COX10: variants seen among roughly 807,000 people sequenced by gnomAD.
COX10 encodes protoheme IX farnesyltransferase, mitochondrial.
In COX10, 27 loss-of-function variants were observed where a neutral mutation model predicts 37.3. That is an observed-to-expected ratio of 0.72 (90% confidence interval 0.53 to 1.00). COX10 has a LOEUF of 1.00. Ranked by LOEUF, COX10 falls within the 50% of genes least tolerant of loss-of-function variation. The pLI, the probability that COX10 is intolerant of heterozygous loss-of-function variation, is 0.00. For missense variants in COX10, 475 were observed against 563.2 expected (o/e 0.84, Z 1.59); for synonymous variants, 222 against 229.1 (o/e 0.97, Z 0.28).
intron 4 of COX10, among the ~76,000 whole-genome samples, chr17:14,125,657 G>C (rs547255984): frequency 1.3e-5 from 2 of 152,242 alleles, no homozygotes; most frequent in East Asian, 3.9e-4. Flanking sequence ...TTCTCAGAGA[G>C]GACTTCACGG....
At chr17:14,089,643 G>C (rs1915481565) in intron 3 of COX10, among the ~76,000 whole-genome samples, 2 of 152,162 alleles carry the variant, frequency 1.3e-5, no homozygotes, top group Non-Finnish European at 1.5e-5. Context: ...GTTGTTGAAG[G>C]CTTTGCCTTC....
intron 4 of COX10, among the ~76,000 whole-genome samples, chr17:14,137,722 T>C (rs1248120641): frequency 6.6e-6 from 1 of 152,158 alleles, no homozygotes; most frequent in East Asian, 1.9e-4. Flanking sequence ...CCTTTAAAAA[T>C]AGTAAACTAA....
intron 4 of COX10, among the ~76,000 whole-genome samples, chr17:14,107,278 C>T (rs994253297): frequency 1.3e-5 from 2 of 152,052 alleles, no homozygotes; most frequent in African/African-American, 4.8e-5. Flanking sequence ...CTGTCTCAGG[C>T]AAACGCTGGC....
Position 14,124,673 on chromosome 17 carries a change from C to T in COX10, c.624+22431C>T, listed in dbSNP as rs572085010. On this transcript the variant is annotated intron_variant, in intron 4 of 6. Coordinates refer to ENST00000261643, the MANE Select transcript of COX10 (RefSeq NM_001303.4). ...AAGTGACTTGCCATGTTCTTGCCCT[C>T]GATGGTCCGGTGCAGATACCTCTGT... Among the ~76,000 whole-genome samples, 11 of 152,224 alleles carry T rather than the reference C, an allele frequency of 7.2e-5. No individual in the cohort carries two copies. The South Asian group carries it at 2.1e-3, about 29-fold the overall frequency.
intron 3 of COX10, among the ~76,000 whole-genome samples, chr17:14,096,638 G>A (rs756223501): frequency 9.9e-5 from 15 of 152,072 alleles, no homozygotes; most frequent in Non-Finnish European, 2.1e-4. Context: ...CCAAAGTGTT[G>A]GGATTACTGG....
intron 4 of COX10, among the ~76,000 whole-genome samples, chr17:14,148,110 A>T (rs1427552254): frequency 2.7e-5 from 4 of 148,708 alleles, no homozygotes; most frequent in Non-Finnish European, 5.9e-5. Flanking sequence ...TTCTCCTTTA[A>T]GGATGAAGCC....
chr17:14,142,524 T>C (rs986631524), intron 4 of COX10, among the ~76,000 whole-genome samples: 2 of 152,240 alleles, frequency 1.3e-5, no homozygotes, highest in African/African-American at 4.8e-5. Context: ...AAATTGGTAT[T>C]TGGCAGAAGA....
intron 4 of COX10, among the ~76,000 whole-genome samples, chr17:14,123,655 A>T (rs1916272844): frequency 1.3e-5 from 2 of 152,200 alleles, no homozygotes; most frequent in Admixed American, 1.3e-4. Context: ...CTTTAATGTT[A>T]TGTTTTAAGG....
intron 3 of COX10, among the ~76,000 whole-genome samples, chr17:14,083,733 T>A (rs1490314829): frequency 6.6e-6 from 1 of 152,224 alleles, no homozygotes; most frequent in Non-Finnish European, 1.5e-5. Flanking sequence ...AAAAAAGGAA[T>A]AATGTGTCTC....
chr17:14,074,910 GT>G (rs1915106929), intron 2 of COX10, among the ~76,000 whole-genome samples: 1 of 152,138 alleles, frequency 6.6e-6, no homozygotes. Context: ...CAATTCGACA[GT>G]TTTTATAATT....
intron 3 of COX10, among the ~76,000 whole-genome samples, chr17:14,096,650 A>G (rs1018338158): frequency 6.6e-6 from 1 of 152,158 alleles, no homozygotes; most frequent in African/African-American, 2.4e-5. Context: ...GATTACTGGC[A>G]TGTGCCATGG....
intron 3 of COX10, among the ~76,000 whole-genome samples, chr17:14,079,798 T>C (rs1465911806): frequency 6.6e-6 from 1 of 151,942 alleles, no homozygotes; most frequent in Non-Finnish European, 1.5e-5. Context: ...CATATGCAGA[T>C]AGAGCTATGG....
chr17:14,184,053 GACA>G (rs1905950835), intron 5 of COX10, among the ~76,000 whole-genome samples: 1 of 152,036 alleles, frequency 6.6e-6, no homozygotes, highest in Admixed American at 6.5e-5. Flanking sequence ...TAATTCTTAA[GACA>G]ACTCTATAAT....
At chr17:14,168,926 C>T (rs149846989) in intron 5 of COX10, among the ~76,000 whole-genome samples, 39 of 152,322 alleles carry the variant, frequency 2.6e-4, no homozygotes, top group South Asian at 4.1e-4. Flanking sequence ...CATTACTTAA[C>T]GCAAATTTTC....
intron 5 of COX10, among the ~76,000 whole-genome samples, chr17:14,184,333 A>C (rs1198124722): frequency 6.6e-6 from 1 of 152,246 alleles, no homozygotes; most frequent in Non-Finnish European, 1.5e-5. Flanking sequence ...ACTAGAATGC[A>C]GACCACCTGA....
intron 1 of COX10, among the ~76,000 whole-genome samples, chr17:14,073,544 C>T (rs1915077248): frequency 1.3e-5 from 2 of 152,112 alleles, no homozygotes; most frequent in African/African-American, 4.8e-5. Context: ...CAGAAATTAT[C>T]CTATAATTAC....
At chr17:14,135,305 T>C (rs1916554234) in intron 4 of COX10, among the ~76,000 whole-genome samples, 2 of 151,932 alleles carry the variant, frequency 1.3e-5, no homozygotes, top group Admixed American at 1.3e-4. Flanking sequence ...ATTTTAATTA[T>C]AAAATTTCTT....
intron 4 of COX10, among the ~76,000 whole-genome samples, chr17:14,147,806 A>G (rs1257448987): frequency 1.0e-5 from 1 of 99,200 alleles, no homozygotes; most frequent in Non-Finnish European, 2.4e-5. Context: ...ATTTTTAAGA[A>G]AACACAGGGT....
At chr17:14,072,187 C>T (rs896352566) in intron 1 of COX10, among the ~76,000 whole-genome samples, 3 of 152,058 alleles carry the variant, frequency 2.0e-5, no homozygotes, top group Non-Finnish European at 2.9e-5. Context: ...TTCTTACTAC[C>T]ATTCTGTAAA....
Sources: gnomAD v4.1 joint callset for allele counts (sites outside exome capture counted in the v4.1 genomes callset) on GRCh38, gnomAD v4.1.1 for gene constraint, MANE v1.5 for transcripts, NCBI Gene and HGNC (gene_info 2026-07-23, HGNC 2026-07-21) for gene names.